Variants in UBTD2 observed in about 807,000 individuals in gnomAD.
UBTD2 encodes ubiquitin domain containing 2.
In UBTD2, 9 loss-of-function variants were observed where a neutral mutation model predicts 19.8. The observed-to-expected ratio is 0.46, with a 90% CI of 0.27 to 0.79. The LOEUF (loss-of-function observed/expected upper bound fraction) is 0.79, where lower values mean the gene tolerates loss of function less well. UBTD2 is among the 30% of genes least tolerant of loss of function. The probability of loss-of-function intolerance (pLI) is 0.14; values close to 1 mark genes in which losing one functional copy is unlikely to be tolerated. For synonymous variants in UBTD2, 98 were observed against 103.9 expected, an observed-to-expected ratio of 0.94 and a Z score of 0.35; for missense variants, 250 against 300.4, an observed-to-expected ratio of 0.83 and a Z score of 1.24.
At chr5:172,280,615 G>A (rs1251945238) in intron 1 of UBTD2, among the ~76,000 whole-genome samples, 1 of 151,492 alleles carries the variant, frequency 6.6e-6, no homozygotes. Flanking sequence ...TCATGCCACA[G>A]TACTTCAGCC....
chr5:172,232,197 T>C (rs1225894665), intron 2 of UBTD2, among the ~76,000 whole-genome samples: 1 of 151,910 alleles, frequency 6.6e-6, no homozygotes, highest in African/African-American at 2.4e-5. Flanking sequence ...TGCTTGAACC[T>C]GGGAGGTGGA....
chr5:172,247,689 G>A (rs1487092391), intron 1 of UBTD2, among the ~76,000 whole-genome samples: 1 of 152,160 alleles, frequency 6.6e-6, no homozygotes, highest in Admixed American at 6.5e-5. Context: ...CAGAATATAT[G>A]AAGCAAGCAC....
At chr5:172,240,219 C>T (rs1451092586) in intron 1 of UBTD2, among the ~76,000 whole-genome samples, 2 of 152,154 alleles carry the variant, frequency 1.3e-5, no homozygotes, top group East Asian at 3.9e-4. Flanking sequence ...GAAGAGGAAT[C>T]CTGCAGTAAA....
chr5:172,283,718 G>T lies in UBTD2; in HGVS notation c.-53C>A. 8.5e-7 allele frequency: 1 copy of T among 1,171,208 alleles called. No homozygotes were observed. The highest frequency in any genetic ancestry group is 1.1e-6 in the Non-Finnish European group (1 of 942,358). The allele number at this position is 1,171,208 out of a possible 1,614,324, so 72.6% of individuals were successfully genotyped here. ...CTCCGGACGCTCGTCCGGGCCCGCC[G>T]CCGCCGCCGCTGCAGCCTCCTCCGG... On this transcript the variant is annotated 5_prime_UTR_variant, in exon 1 of 3. Transcript: ENST00000393792. The surrounding 1 kb of genome is among the most constrained non-coding windows in gnomAD (Gnocchi z 4.3).
chr5:172,248,234 C>G (rs1255899207), intron 1 of UBTD2, among the ~76,000 whole-genome samples: 1 of 152,078 alleles, frequency 6.6e-6, no homozygotes, highest in Non-Finnish European at 1.5e-5. Flanking sequence ...AATGAATAAC[C>G]TAACTTCATG....
chr5:172,225,250 T>C (rs1366590476), intron 2 of UBTD2, among the ~76,000 whole-genome samples: 3 of 152,198 alleles, frequency 2.0e-5, no homozygotes, highest in African/African-American at 4.8e-5. Flanking sequence ...TCTGTTCTGA[T>C]TTCATACATA....
At chr5:172,283,971 C>T (rs1561871586), upstream of UBTD2, 1 of 148,944 alleles carries the variant, frequency 6.7e-6, no homozygotes, top group Non-Finnish European at 1.5e-5. The surrounding 1 kb of genome is among the most constrained non-coding windows in gnomAD (Gnocchi z 4.3). Flanking sequence ...GGCCGCAGCG[C>T]CCGCCTCGCC....
intron 1 of UBTD2, among the ~76,000 whole-genome samples, chr5:172,237,882 A>G (rs944657910): frequency 2.3e-4 from 35 of 152,258 alleles, no homozygotes; most frequent in African/African-American, 8.2e-4. Context: ...GCAAAAATAT[A>G]CAGGCTGTCT....
intron 1 of UBTD2, among the ~76,000 whole-genome samples, chr5:172,253,499 G>A (rs1053170024): frequency 2.0e-5 from 3 of 151,038 alleles, no homozygotes; most frequent in African/African-American, 7.3e-5. Flanking sequence ...CTGTTGCCAG[G>A]CTGTAGTGCA....
At chr5:172,266,963 A>G (rs1441929959) in intron 1 of UBTD2, among the ~76,000 whole-genome samples, 1 of 149,888 alleles carries the variant, frequency 6.7e-6, no homozygotes, top group Non-Finnish European at 1.5e-5. Context: ...GGATTGCTTG[A>G]CCGCCCAGGA....
chr5:172,257,929 A>G (rs768231477), intron 1 of UBTD2, among the ~76,000 whole-genome samples: 4 of 152,116 alleles, frequency 2.6e-5, no homozygotes, highest in Non-Finnish European at 5.9e-5. Context: ...CATAGAGTTT[A>G]CAAATATTTT....
intron 1 of UBTD2, among the ~76,000 whole-genome samples, chr5:172,260,335 T>C (rs908627213): frequency 1.3e-5 from 2 of 152,102 alleles, no homozygotes; most frequent in East Asian, 1.9e-4. Flanking sequence ...CGAGCAATTA[T>C]GAAACTTCCT....
At chr5:172,272,495 A>C (rs1755512473) in intron 1 of UBTD2, among the ~76,000 whole-genome samples, 2 of 152,132 alleles carry the variant, frequency 1.3e-5, no homozygotes, top group Non-Finnish European at 2.9e-5. Context: ...TGCAGTAAGG[A>C]AAAAATGAGA....
At chr5:172,263,610 C>T (rs949782636) in intron 1 of UBTD2, among the ~76,000 whole-genome samples, 2 of 151,924 alleles carry the variant, frequency 1.3e-5, no homozygotes, top group Middle Eastern at 3.2e-3. Context: ...CCAGTTAACA[C>T]GGTGAAACCC....
intron 1 of UBTD2, among the ~76,000 whole-genome samples, chr5:172,269,646 T>C (rs1472145853): frequency 2.0e-5 from 3 of 150,616 alleles, no homozygotes; most frequent in Non-Finnish European, 4.4e-5. Context: ...CCAAGCGGTC[T>C]GAAGAATCTT....
intron 2 of UBTD2, among the ~76,000 whole-genome samples, chr5:172,233,332 T>C (rs1771942980): frequency 6.6e-6 from 1 of 152,074 alleles, no homozygotes; most frequent in South Asian, 2.1e-4. Context: ...CCTTGAAAAA[T>C]ATTAAGTTGA....
At chr5:172,243,028 A>G (rs534672132) in intron 1 of UBTD2, among the ~76,000 whole-genome samples, 2 of 151,360 alleles carry the variant, frequency 1.3e-5, no homozygotes, top group East Asian at 1.9e-4. Flanking sequence ...GGGTCTCACT[A>G]CGTTACCGAA....
chr5:172,271,419 ACTC>A (rs1755488014), intron 1 of UBTD2, among the ~76,000 whole-genome samples: 1 of 130,202 alleles, frequency 7.7e-6, no homozygotes, highest in African/African-American at 3.0e-5. Context: ...ACAGAGCTAG[ACTC>A]CACCTCAAAA....
chr5:172,256,409 T>A (rs902083345), intron 1 of UBTD2, among the ~76,000 whole-genome samples: 3 of 150,726 alleles, frequency 2.0e-5, no homozygotes, highest in Non-Finnish European at 1.5e-5. Flanking sequence ...GGAGACAGGG[T>A]CTTGCTCTAT....
Sources: gnomAD v4.1 joint callset for allele counts (sites outside exome capture counted in the v4.1 genomes callset) on GRCh38, gnomAD v4.1.1 for gene constraint, Gnocchi (gnomAD v3.1) non-coding constraint, MANE v1.5 for transcripts, NCBI Gene and HGNC (gene_info 2026-07-23, HGNC 2026-07-21) for gene names.